PCDHGB7: variants seen among roughly 807,000 people sequenced by gnomAD.
PCDHGB7 encodes protocadherin gamma subfamily B, 7.
A neutral mutation model predicts 61.4 loss-of-function variants in PCDHGB7; 37 were observed. The ratio of observed to expected loss-of-function variants is 0.60; its 90% confidence interval spans 0.46 to 0.79. The LOEUF (loss-of-function observed/expected upper bound fraction) is 0.79. Among genes scored for constraint, PCDHGB7 ranks in the 30% least tolerant of loss-of-function variants. The probability of loss-of-function intolerance (pLI) is 0.00; values close to 1 mark genes in which losing one functional copy is unlikely to be tolerated. For missense variants in PCDHGB7, 1,166 were observed against 1,202.5 expected (o/e 0.97, Z 0.45); for synonymous variants, 464 against 503.5 (o/e 0.92, Z 1.05).
chr5:141,448,135 TA>T (rs2098567569), intron 1 of PCDHGB7, among the ~76,000 whole-genome samples: 1 of 151,880 alleles, frequency 6.6e-6, no homozygotes, highest in South Asian at 2.1e-4. Flanking sequence ...CCACCCTCAC[TA>T]TACCTCAGAC....
chr5:141,460,614 G>A (rs10058360), intron 1 of PCDHGB7, among the ~76,000 whole-genome samples: 42,418 of 151,914 alleles, frequency 0.28, 6,648 homozygotes, highest in African/African-American at 0.43. Flanking sequence ...TAGATGGATA[G>A]ATAGACAGAT....
chr5:141,485,609 G>T lies in PCDHGB7; in HGVS notation c.2416-9198G>T. On this transcript the variant is annotated intron_variant, in intron 1 of 3. Coordinates refer to ENST00000398594, the MANE Select transcript of PCDHGB7 (RefSeq NM_018927.4). The surrounding 1 kb of genome is among the most constrained non-coding windows in gnomAD (Gnocchi z 5.7). ...GCTGGACTTGGAAATTGGGGAGGCA[G>T]CTCCTCCAGGACAGCGTTTCCCGTT... The T allele has an allele frequency of 6.2e-7, 1 of 1,612,256 alleles. No homozygotes were observed. Among genetic ancestry groups the T allele is most frequent in the Non-Finnish European group, 8.5e-7 (1 of 1,178,656 alleles).
At chr5:141,502,575 A>G (rs1314648955) in intron 2 of PCDHGB7, among the ~76,000 whole-genome samples, 2 of 152,208 alleles carry the variant, frequency 1.3e-5, no homozygotes, top group Admixed American at 1.3e-4. Context: ...CATTATAAAA[A>G]TATATTTTTA....
At chr5:141,433,560 G>A (rs1276743163) in intron 1 of PCDHGB7, among the ~76,000 whole-genome samples, 1 of 152,110 alleles carries the variant, frequency 6.6e-6, no homozygotes, top group East Asian at 1.9e-4. Flanking sequence ...TTCTGGCTGG[G>A]CGCGGTGGCT....
chr5:141,423,058 A>T (rs1235938743), intron 1 of PCDHGB7: 1 of 1,614,022 alleles, frequency 6.2e-7, no homozygotes, highest in Non-Finnish European at 8.5e-7. Context: ...TCGCCTGCTT[A>T]AGGCCAGCGA....
intron 2 of PCDHGB7, among the ~76,000 whole-genome samples, chr5:141,501,751 C>G (rs188896150): frequency 1.4e-3 from 218 of 152,250 alleles, no homozygotes; most frequent in South Asian, 3.1e-3. Flanking sequence ...ATAGGAAGCT[C>G]TCAGTAAATG....
At position 141,485,299 on chromosome 5, in the gene PCDHGB7, G is replaced by A; in HGVS notation, c.2416-9508G>A. On this transcript the variant is annotated intron_variant, in intron 1 of 3. Coordinates refer to ENST00000398594, the MANE Select transcript of PCDHGB7 (RefSeq NM_018927.4). The surrounding 1 kb of genome is among the most constrained non-coding windows in gnomAD (Gnocchi z 5.7). ...CGGTCCCAGAGGAGTCACAGGAAGG[G>A]ACTTTTGTAGGGAATGTCGCTCAAG... 1 of 1,614,180 alleles carries A rather than the reference G, an allele frequency of 6.2e-7. No individual in the cohort carries two copies. Among genetic ancestry groups the A allele is most frequent in the Non-Finnish European group, 8.5e-7 (1 of 1,180,012 alleles).
At chr5:141,457,878 C>A (rs1263626843) in intron 1 of PCDHGB7, among the ~76,000 whole-genome samples, 1 of 152,190 alleles carries the variant, frequency 6.6e-6, no homozygotes, top group East Asian at 1.9e-4. Context: ...GGTTAGGAAC[C>A]CTGTGTGGGG....
In PCDHGB7 at chr5:141,486,270, G is replaced by A. The variant is rs1052584402; in HGVS notation, c.2416-8537G>A. 2 of 1,614,062 alleles carry A rather than the reference G, an allele frequency of 1.2e-6. No homozygotes were observed. Reference sequence around the variant, plus strand: ...ACCCTCCCCGAGAGTGCAGAACCTGGCACTGTGGTGGCACTTATCAGTGTG... The same window carrying A: ...ACCCTCCCCGAGAGTGCAGAACCTGACACTGTGGTGGCACTTATCAGTGTG... On this transcript the variant is annotated intron_variant, in intron 1 of 3. Coordinates refer to ENST00000398594, the MANE Select transcript of PCDHGB7 (RefSeq NM_018927.4). This position sits in a 1 kb window ranked among gnomAD's most constrained non-coding sequence, Gnocchi z 5.0.
intron 1 of PCDHGB7, among the ~76,000 whole-genome samples, chr5:141,447,023 GT>G (rs5871773): frequency 0.034 from 5,146 of 151,536 alleles, 101 homozygotes; most frequent in Middle Eastern, 0.088. Flanking sequence ...GTTTTGTTTT[GT>G]TTTTTTTCTG....
intron 1 of PCDHGB7, among the ~76,000 whole-genome samples, chr5:141,472,742 T>C (rs926507203): frequency 2.0e-5 from 3 of 151,762 alleles, no homozygotes; most frequent in Non-Finnish European, 4.4e-5. Flanking sequence ...TCCCAGCACT[T>C]TGGGAGGCGG....
Position 141,486,587 on chromosome 5 carries a change from G to C in PCDHGB7, c.2416-8220G>C. 6.2e-7 allele frequency: 1 copy of C among 1,613,596 alleles called. No individual in the cohort carries two copies. The highest frequency in any genetic ancestry group is 8.5e-7 in the Non-Finnish European group (1 of 1,180,006). On this transcript the variant is annotated intron_variant, in intron 1 of 3. Transcript: ENST00000398594. The surrounding 1 kb of genome is among the most constrained non-coding windows in gnomAD (Gnocchi z 5.0). ...TGTTCCTGAGAACAATCGCCCAGGG[G>C]ACCTGCTTTGCTCCCTTGCAGCCTC...
At chr5:141,440,868 T>A (rs1288344051) in intron 1 of PCDHGB7, 1 of 152,150 alleles carries the variant, frequency 6.6e-6, no homozygotes, top group East Asian at 1.9e-4. Flanking sequence ...ATCTAGGATG[T>A]GTACAGCGTC....
At chr5:141,433,691 G>A (rs2097644575) in intron 1 of PCDHGB7, among the ~76,000 whole-genome samples, 1 of 152,044 alleles carries the variant, frequency 6.6e-6, no homozygotes, top group Non-Finnish European at 1.5e-5. Flanking sequence ...TACAAAATTA[G>A]CCGGGCGTGG....
chr5:141,467,672 AT>A (rs1199631144), intron 1 of PCDHGB7, among the ~76,000 whole-genome samples: 1 of 151,634 alleles, frequency 6.6e-6, no homozygotes, highest in Non-Finnish European at 1.5e-5. Context: ...GAAGATTTTT[AT>A]TTTTTTTAGA....
intron 2 of PCDHGB7, among the ~76,000 whole-genome samples, chr5:141,503,088 C>T (rs1003234288): frequency 4.0e-5 from 6 of 151,864 alleles, no homozygotes; most frequent in Admixed American, 1.3e-4. Context: ...CTCCTGACCT[C>T]GTGGTCTGCC....
At chr5:141,484,009 TG>T (rs2099590446) in intron 1 of PCDHGB7, among the ~76,000 whole-genome samples, 1 of 14,098 alleles carries the variant, frequency 7.1e-5, no homozygotes, top group Admixed American at 8.3e-4. Context: ...TGGATGAGGG[TG>T]GGGGTGGGGT....
intron 1 of PCDHGB7, among the ~76,000 whole-genome samples, chr5:141,438,587 CATACATATAT>C (rs1422309749): frequency 6.8e-5 from 5 of 73,430 alleles, no homozygotes; most frequent in South Asian, 5.1e-4. Context: ...TACATACATA[CATACATATAT>C]ATATATATAT....
intron 1 of PCDHGB7, among the ~76,000 whole-genome samples, chr5:141,465,788 T>A (rs1322471400): frequency 6.6e-6 from 1 of 152,110 alleles, no homozygotes; most frequent in Non-Finnish European, 1.5e-5. Context: ...AGTTTTTTTT[T>A]TTTTAAGAAA....
Sources: allele counts gnomAD v4.1 joint callset (sites outside exome capture counted in the v4.1 genomes callset), GRCh38; gene constraint gnomAD v4.1.1; non-coding constraint Gnocchi (gnomAD v3.1); transcripts MANE v1.5; gene names NCBI Gene and HGNC (gene_info 2026-07-23, HGNC 2026-07-21).